Variants in LARP1B observed in about 807,000 individuals in gnomAD.
The protein encoded by LARP1B is La ribonucleoprotein 1B.
In LARP1B, 76 loss-of-function variants were observed where a neutral mutation model predicts 114.2. The ratio of observed to expected loss-of-function variants is 0.67; its 90% CI spans 0.55 to 0.81. The LOEUF is 0.81. Ranked by LOEUF, LARP1B falls within the 30% of genes least tolerant of loss-of-function variation. LARP1B has a pLI of 0.00. For synonymous variants in LARP1B, 345 were observed against 348.0 expected (o/e 0.99, Z 0.10); for missense variants, 1,014 against 1,075.8 (o/e 0.94, Z 0.80).
At position 128,206,862 on chromosome 4, in the gene LARP1B, A is replaced by G. The variant is rs376186286; in HGVS notation, c.2419+325A>G. The G allele has an allele frequency of 1.5e-5, 15 of 984,094 alleles. No individual in the cohort carries two copies. The East Asian group carries it at 1.4e-3, about 89-fold the overall frequency. 61.0% of individuals were successfully genotyped at this position (984,094 alleles called of 1,614,324 possible). A position where few individuals can be genotyped will look rare whatever the true frequency, so the allele number is the denominator to read the frequency against. ...AGCAGGTAAGCTTGGAAAGGCAGAA[A>G]TAGCACAGTGGTTAAGAGTGCAGGC... On this transcript the variant is annotated intron_variant, in intron 18 of 19. Coordinates refer to ENST00000326639, the MANE Select transcript of LARP1B (RefSeq NM_018078.4).
intron 4 of LARP1B, among the ~76,000 whole-genome samples, chr4:128,081,108 C>T (rs556030536): frequency 6.9e-4 from 98 of 142,686 alleles, no homozygotes; most frequent in Non-Finnish European, 1.2e-3. Flanking sequence ...GACAGACTCT[C>T]GTCTCTGTCA....
chr4:128,100,015 A>C (rs1294066934), intron 8 of LARP1B, among the ~76,000 whole-genome samples: 4 of 151,918 alleles, frequency 2.6e-5, no homozygotes, highest in Admixed American at 2.6e-4. Context: ...AGTGGAGTGC[A>C]ATGCCATGAT....
chr4:128,107,104 G>A lies in LARP1B; in HGVS notation c.814-35G>A, dbSNP rs573721569. 2.2e-5 allele frequency: 34 copies of A among 1,559,910 alleles called. No homozygotes were observed. In the South Asian group the frequency reaches 3.7e-4, roughly 17 times the overall value. On this transcript the variant is annotated intron_variant, in intron 8 of 19. Transcript: ENST00000326639. ...GAAGTATAGCACAGACAGTGAAATA[G>A]CTCATAATTTTAATAGCTCAATTTC... is the stretch of plus-strand genomic sequence containing the variant.
At chr4:128,160,059 A>G (rs780666894) in intron 11 of LARP1B, among the ~76,000 whole-genome samples, 14 of 152,202 alleles carry the variant, frequency 9.2e-5, no homozygotes, top group Admixed American at 3.3e-4. Context: ...AATATCTTAG[A>G]CTTTGTGGGT....
At chr4:128,073,451 A>G (rs1202748090) in intron 1 of LARP1B, among the ~76,000 whole-genome samples, 5 of 146,886 alleles carry the variant, frequency 3.4e-5, no homozygotes, top group Admixed American at 1.4e-4. Context: ...AAAAAAAGAA[A>G]GAAAGAAAGA....
chr4:128,108,003 G>A (rs879244720), intron 9 of LARP1B: 23 of 1,527,792 alleles, frequency 1.5e-5, no homozygotes, highest in South Asian at 1.1e-4. Flanking sequence ...AAATGAAAGC[G>A]ATCAGACTGT....
At chr4:128,127,199 A>G (rs1046302077) in intron 11 of LARP1B, among the ~76,000 whole-genome samples, 1 of 152,106 alleles carries the variant, frequency 6.6e-6, no homozygotes, top group Non-Finnish European at 1.5e-5. Flanking sequence ...CTCATGAAAG[A>G]AAGTCCCAAA....
intron 8 of LARP1B, among the ~76,000 whole-genome samples, chr4:128,098,747 G>GTATATATATATATA (rs1554010737): frequency 0.01 from 159 of 15,518 alleles, 7 homozygotes; most frequent in Non-Finnish European, 0.014. Flanking sequence ...ATATGTATGT[G>GTATATATATATATA]TATATATATA....
In LARP1B at chr4:128,091,344, A is replaced by G. The variant is rs751146563; in HGVS notation, c.503-3A>G. ...ACCTTTCTTTTTCTTTATTCACATC[A>G]AGTGAACTTTGATTATTCATATGGT... is the stretch of plus-strand genomic sequence containing the variant. On this transcript the variant is annotated splice_polypyrimidine_tract_variant and splice_region_variant and intron_variant, in intron 6 of 19. Coordinates refer to ENST00000326639, the MANE Select transcript of LARP1B (RefSeq NM_018078.4). 18 of 1,605,004 alleles carry G rather than the reference A, an allele frequency of 1.1e-5. No homozygotes were observed. In the Admixed American group the frequency reaches 3.1e-4, roughly 27 times the overall value.
At chr4:128,102,998 A>G (rs540714561) in intron 8 of LARP1B, among the ~76,000 whole-genome samples, 36 of 152,308 alleles carry the variant, frequency 2.4e-4, no homozygotes, top group African/African-American at 8.2e-4. Flanking sequence ...ACCAGGCAGT[A>G]AGAATGCAAC....
At chr4:128,178,190 T>A (rs1747073301) in intron 13 of LARP1B, among the ~76,000 whole-genome samples, 1 of 151,096 alleles carries the variant, frequency 6.6e-6, no homozygotes, top group South Asian at 2.1e-4. Context: ...TTAGGGGAGG[T>A]TACACAGGAA....
chr4:128,184,417 A>C (rs760535212), intron 15 of LARP1B, among the ~76,000 whole-genome samples: 1 of 152,208 alleles, frequency 6.6e-6, no homozygotes, highest in Non-Finnish European at 1.5e-5. Flanking sequence ...CATTTTTAGC[A>C]ATACAGTTTT....
At chr4:128,214,207 G>A, downstream of LARP1B, among the ~76,000 whole-genome samples, 1 of 134,372 alleles carries the variant, frequency 7.4e-6, no homozygotes, top group Non-Finnish European at 1.6e-5. Context: ...AAACTGCAAG[G>A]TGGCAACGAG....
chr4:128,109,237 A>G (rs1323066569), intron 9 of LARP1B, among the ~76,000 whole-genome samples: 2 of 152,186 alleles, frequency 1.3e-5, no homozygotes, highest in Admixed American at 1.3e-4. Flanking sequence ...AAATAGAGAT[A>G]AGAAGCATAG....
chr4:128,093,184 C>G (rs1776470813), intron 7 of LARP1B, among the ~76,000 whole-genome samples: 1 of 152,130 alleles, frequency 6.6e-6, no homozygotes, highest in Admixed American at 6.5e-5. Flanking sequence ...TATTACCATT[C>G]TTTGATTAGT....
chr4:128,077,445 G>A (rs941477323), intron 3 of LARP1B, among the ~76,000 whole-genome samples: 2 of 151,976 alleles, frequency 1.3e-5, no homozygotes, highest in African/African-American at 4.8e-5. Context: ...AGGCTGCAGT[G>A]AGCCGAGATC....
intron 8 of LARP1B, among the ~76,000 whole-genome samples, chr4:128,098,768 T>TATATATATATATATATATATATG (rs58280279): frequency 5.3e-5 from 1 of 18,898 alleles, no homozygotes; most frequent in African/African-American, 2.1e-4. Flanking sequence ...TATATATATA[T>TATATATATATATATATATATATG]TTTTTTTTTT....
At chr4:128,073,709 G>A (rs1236633649) in intron 1 of LARP1B, among the ~76,000 whole-genome samples, 2 of 144,310 alleles carry the variant, frequency 1.4e-5, no homozygotes, top group East Asian at 4.4e-4. Context: ...TCCTGCCTCA[G>A]CCTTCTGAGT....
At chr4:128,110,359 G>A (rs1379077496) in intron 9 of LARP1B, among the ~76,000 whole-genome samples, 1 of 151,574 alleles carries the variant, frequency 6.6e-6, no homozygotes, top group Non-Finnish European at 1.5e-5. Flanking sequence ...TGGAAGATTA[G>A]GGTTTACTAT....
Sources: gnomAD v4.1 joint callset for allele counts (sites outside exome capture counted in the v4.1 genomes callset) on GRCh38, gnomAD v4.1.1 for gene constraint, MANE v1.5 for transcripts, NCBI Gene and HGNC (gene_info 2026-07-23, HGNC 2026-07-21) for gene names.